Variants in CABIN1 observed in about 807,000 individuals in gnomAD.
CABIN1 encodes calcineurin binding protein 1.
CABIN1 carries 133 observed loss-of-function variants against 227.7 expected under a neutral mutation model. The observed-to-expected ratio is 0.58, with a 90% CI of 0.51 to 0.67. The LOEUF (loss-of-function observed/expected upper bound fraction) is 0.67, where lower values mean the gene tolerates loss of function less well. Ranked by LOEUF, CABIN1 falls within the 30% of genes least tolerant of loss-of-function variation. CABIN1 has a pLI of 0.00. For missense variants in CABIN1, 2,408 were observed against 2,852.5 expected, an observed-to-expected ratio of 0.84 and a Z score of 3.55; for synonymous variants, 1,086 against 1,155.1, an observed-to-expected ratio of 0.94 and a Z score of 1.21.
Position 24,167,086 on chromosome 22 carries a change from G to GCCC in CABIN1, c.5458_5460dup (p.Pro1820dup). On this transcript the variant is annotated inframe_insertion, in exon 32 of 37. Coordinates refer to ENST00000263119, the MANE Select transcript of CABIN1 (RefSeq NM_012295.4). ...CACCCCGCTCACCCCAGCCCAGCCA[G>GCCC]CCCCCGCCCCCGCCCCCGCCACCAC... 6.5e-7 allele frequency: 1 copy of GCCC among 1,541,124 alleles called. No individual in the cohort carries two copies. Among genetic ancestry groups the GCCC allele is most frequent in the Non-Finnish European group, 8.7e-7 (1 of 1,143,006 alleles).
chr22:24,059,421 A>G, intron 11 of CABIN1, 58 bp downstream of exon 11: 1 of 1,592,962 alleles, frequency 6.3e-7, no homozygotes, highest in Non-Finnish European at 8.6e-7. Flanking sequence ...ACTATCCTAT[A>G]ACCTGCTTAT....
At chr22:24,139,423 G>A (rs1283864338) in intron 29 of CABIN1, among the ~76,000 whole-genome samples, 1 of 152,112 alleles carries the variant, frequency 6.6e-6, no homozygotes, top group Non-Finnish European at 1.5e-5. Flanking sequence ...AAAATTAGCC[G>A]GGCGTGGTGG....
chr22:24,166,428 G>T (rs1484052947), intron 31 of CABIN1, among the ~76,000 whole-genome samples: 2 of 152,210 alleles, frequency 1.3e-5, no homozygotes, highest in African/African-American at 4.8e-5. Context: ...GTAGCCAGAG[G>T]TGCAGAGGAG....
chr22:24,153,075 T>G (rs1416179224), intron 29 of CABIN1, among the ~76,000 whole-genome samples: 1 of 152,200 alleles, frequency 6.6e-6, no homozygotes, highest in African/African-American at 2.4e-5. Context: ...GGCAGCAGCC[T>G]AGCTCTGGGA....
chr22:24,037,983 A>G (rs996274895), intron 3 of CABIN1, among the ~76,000 whole-genome samples: 17 of 152,230 alleles, frequency 1.1e-4, no homozygotes, highest in African/African-American at 4.1e-4. Flanking sequence ...GGAACAGCCA[A>G]GTGGAGGAGA....
intron 34 of CABIN1, among the ~76,000 whole-genome samples, chr22:24,175,428 G>T (rs970129436): frequency 1.3e-5 from 2 of 152,242 alleles, no homozygotes; most frequent in African/African-American, 4.8e-5. Flanking sequence ...GGGGTGGCTG[G>T]AAAGGCAGTG....
At chr22:24,148,055 C>T (rs898941860) in intron 29 of CABIN1, among the ~76,000 whole-genome samples, 1 of 152,184 alleles carries the variant, frequency 6.6e-6, no homozygotes. Context: ...TACAAGCACC[C>T]CATCTTGGGA....
rs758389475 is a variant in CABIN1, at chr22:24,171,811, A to G, written c.5856A>G (p.Pro1952=). ...TGCCCACAGCCCCTGACCCTGTGCCAGCTGACTCTGTCCAGCGGCCCAGTG... is the reference window on the plus strand; with the variant it reads ...TGCCCACAGCCCCTGACCCTGTGCCGGCTGACTCTGTCCAGCGGCCCAGTG... ...TVVPTAPDPV[P]ADSVQRPSDA... The change falls in exon 34 of 37, where the codon CCA becomes CCG. Residue 1952 remains proline, a synonymous_variant. Coordinates refer to ENST00000263119, the MANE Select transcript of CABIN1 (RefSeq NM_012295.4). 3.1e-6 allele frequency: 5 copies of G among 1,614,128 alleles called. No individual in the cohort carries two copies. The highest frequency in any genetic ancestry group is 3.3e-4 in the Middle Eastern group (2 of 6,062).
chr22:24,073,105 G>C (rs1238176536), intron 18 of CABIN1, among the ~76,000 whole-genome samples: 1 of 152,166 alleles, frequency 6.6e-6, no homozygotes, highest in African/African-American at 2.4e-5. Context: ...CAGGGAGGGC[G>C]AGCCCCAGAC....
chr22:24,168,397 G>C, intron 32 of CABIN1, 50 bp from the exon 33 acceptor site: 1 of 1,528,826 alleles, frequency 6.5e-7, no homozygotes, highest in Admixed American at 1.9e-5. Flanking sequence ...GCTGGGGGAG[G>C]CTAACCACAA....
chr22:24,156,425 G>A (rs573013000), intron 29 of CABIN1: 2 of 235,326 alleles, frequency 8.5e-6, no homozygotes, highest in Non-Finnish European at 1.6e-5. Context: ...GGTGAAGCCC[G>A]CACACGCGCC....
chr22:24,129,889 C>T (rs749999944), intron 28 of CABIN1, among the ~76,000 whole-genome samples: 3 of 152,176 alleles, frequency 2.0e-5, no homozygotes, highest in Admixed American at 6.5e-5. Context: ...AGCGGGTAGG[C>T]AGGTAGACTG....
intron 23 of CABIN1, among the ~76,000 whole-genome samples, chr22:24,088,114 A>G (rs965073138): frequency 6.6e-6 from 1 of 152,146 alleles, no homozygotes; most frequent in Non-Finnish European, 1.5e-5. Context: ...GTAGGGGATT[A>G]CACTAGTGCA....
chr22:24,069,715 G>A (rs2146681064), intron 16 of CABIN1, among the ~76,000 whole-genome samples: 1 of 152,226 alleles, frequency 6.6e-6, no homozygotes, highest in African/African-American at 2.4e-5. Context: ...TTTCTCTAAT[G>A]AAACACGGGC....
chr22:24,154,109 T>C (rs993286586), intron 29 of CABIN1, among the ~76,000 whole-genome samples: 3 of 152,184 alleles, frequency 2.0e-5, no homozygotes, highest in Non-Finnish European at 4.4e-5. Context: ...AGGGGACTAG[T>C]TTCCAGAGAG....
At chr22:24,035,388 G>A in intron 1 of CABIN1, 56 bp from the exon 2 acceptor site, 2 of 1,260,188 alleles carry the variant, frequency 1.6e-6, no homozygotes, top group Non-Finnish European at 2.3e-6. Context: ...CCTTGGCACT[G>A]TGACCTTCCT....
intron 18 of CABIN1, among the ~76,000 whole-genome samples, chr22:24,072,998 C>T (rs956981507): frequency 2.0e-5 from 3 of 152,200 alleles, no homozygotes; most frequent in African/African-American, 7.2e-5. Flanking sequence ...ATATCTACCT[C>T]AGAAGGTTAT....
rs868259166 is a variant in CABIN1, at chr22:24,118,410, G to A, written c.4301-957G>A. 8.5e-5 allele frequency among the ~76,000 whole-genome samples: 13 copies of A among 152,148 alleles called. No individual in the cohort carries two copies. The South Asian group carries it at 1.2e-3, about 15-fold the overall frequency. On this transcript the variant is annotated intron_variant, in intron 27 of 36. Transcript: ENST00000263119. ...CGACTTAGCATGCGGAGAACTGGGG[G>A]CCTTGGTTGTTGCTGACTCGGCCCT...
intron 2 of CABIN1, among the ~76,000 whole-genome samples, 156 bp from the exon 3 acceptor site, chr22:24,035,933 G>T (rs1227227951): frequency 1.5e-5 from 2 of 129,292 alleles, no homozygotes; most frequent in Non-Finnish European, 3.1e-5. Context: ...TTTAGAGGAT[G>T]ATTTTTTTGT....
Sources: gnomAD v4.1 joint callset for allele counts (sites outside exome capture counted in the v4.1 genomes callset) on GRCh38, gnomAD v4.1.1 for gene constraint, MANE v1.5 for transcripts, NCBI Gene and HGNC (gene_info 2026-07-23, HGNC 2026-07-21) for gene names.